C17orf99: variants seen among roughly 807,000 people sequenced by gnomAD.
C17orf99 encodes protein IL-40.
A neutral mutation model predicts 22.6 loss-of-function variants in C17orf99; 18 were observed. That is an observed-to-expected ratio of 0.80 (90% CI 0.55 to 1.18). C17orf99 has a LOEUF of 1.18. Ranked by LOEUF, C17orf99 falls within the 50% of genes most tolerant of loss-of-function variation. The pLI, the probability that C17orf99 is intolerant of heterozygous loss-of-function variation, is 0.00. For synonymous variants in C17orf99, 147 were observed against 136.6 expected (o/e 1.08, Z -0.53); for missense variants, 328 against 342.7 (o/e 0.96, Z 0.34).
chr17:78,150,294 A>G (rs968303678), intron 2 of C17orf99, among the ~76,000 whole-genome samples: 9 of 152,148 alleles, frequency 5.9e-5, no homozygotes, highest in Non-Finnish European at 1.0e-4. Context: ...GGCATGAGCC[A>G]CCCTGCCTGG....
At chr17:78,157,657 C>A (rs112568717) in intron 2 of C17orf99, among the ~76,000 whole-genome samples, 6 of 151,752 alleles carry the variant, frequency 4.0e-5, no homozygotes, top group Non-Finnish European at 5.9e-5. Context: ...ATTAGCCGGG[C>A]GTGGTGGCGG....
chr17:78,165,155 C>T (rs2075608539), intron 4 of C17orf99: 4 of 1,008,490 alleles, frequency 4.0e-6, no homozygotes, highest in African/African-American at 1.7e-5. Context: ...TTTGTAGTGT[C>T]TGAGTGCAGG....
chr17:78,157,942 G>A, intron 2 of C17orf99: 2 of 1,174,770 alleles, frequency 1.7e-6, no homozygotes, highest in Non-Finnish European at 2.5e-6. Flanking sequence ...TCTTTACTGG[G>A]AAGAAATATG....
chr17:78,158,708 G>T, intron 2 of C17orf99: 1 of 166,758 alleles, frequency 6.0e-6, no homozygotes. Flanking sequence ...GCGAAGCCGT[G>T]GCTTTGGGGA....
At chr17:78,164,466 C>G (rs2075602602) in intron 4 of C17orf99, 102 bp downstream of exon 4, 1 of 1,546,440 alleles carries the variant, frequency 6.5e-7, no homozygotes, top group African/African-American at 1.4e-5. Flanking sequence ...ACAGCTCTAC[C>G]CGGCCACTGC....
chr17:78,160,008 G>A (rs771039230), intron 2 of C17orf99: 3 of 449,638 alleles, frequency 6.7e-6, no homozygotes, highest in Non-Finnish European at 1.3e-5. Context: ...TGGCTGTGGT[G>A]AATCACGCTG....
intron 2 of C17orf99, among the ~76,000 whole-genome samples, chr17:78,152,960 T>G (rs2075496674): frequency 6.6e-6 from 1 of 151,424 alleles, no homozygotes; most frequent in Admixed American, 6.6e-5. Context: ...CATGCACCTG[T>G]AATACCAGCT....
intron 2 of C17orf99, chr17:78,158,333 C>A (rs1567820263): frequency 5.7e-6 from 2 of 353,818 alleles, no homozygotes; most frequent in Middle Eastern, 9.9e-4. Context: ...CTCGCCCTGT[C>A]GCCCAGGCTG....
chr17:78,164,256 C>T lies in C17orf99; in HGVS notation c.532C>T (p.Gln178Ter). The T allele has an allele frequency of 1.3e-6, 2 of 1,551,524 alleles. No individual in the cohort carries two copies. Among genetic ancestry groups the T allele is most frequent in the Admixed American group, 2.0e-5 (1 of 51,016 alleles). Residue 178 changes from glutamine to a stop codon, truncating the protein, a stop_gained, in exon 4 of 5, where the codon CAG becomes TAG. Coordinates refer to ENST00000340363, the MANE Select transcript of C17orf99 (RefSeq NM_001163075.2). LOFTEE classifies it high-confidence loss of function. The part of the protein sequence containing the change: ...VHLQQRPCHR[Q>*]PANFSFLPSQ... ...CCTGCAGCAGAGACCATGCCACAGGCAGCCTGCCAACTTCTCCTTCCTGCC... is the reference window on the plus strand; with the variant it reads ...CCTGCAGCAGAGACCATGCCACAGGTAGCCTGCCAACTTCTCCTTCCTGCC...
chr17:78,146,536 G>A lies in C17orf99; in HGVS notation c.37+92G>A, dbSNP rs1397840331. On this transcript the variant is annotated intron_variant, in intron 1 of 4. Transcript: ENST00000340363. The surrounding 1 kb of genome is among the most constrained non-coding windows in gnomAD (Gnocchi z 5.2). Reference sequence around the variant, plus strand: ...GGTACTGGGAGCACAGGAGAGATGAGGCCTGAAGGAAGGGCACCTCTGGAA... The same window carrying A: ...GGTACTGGGAGCACAGGAGAGATGAAGCCTGAAGGAAGGGCACCTCTGGAA... 9 of 1,187,572 alleles carry A rather than the reference G, an allele frequency of 7.6e-6. No homozygotes were observed. Among genetic ancestry groups the A allele is most frequent in the Non-Finnish European group, 1.1e-5 (9 of 826,414 alleles). 73.6% of individuals were successfully genotyped at this position (1,187,572 alleles called of 1,614,324 possible).
At position 78,164,344 on chromosome 17, in the gene C17orf99, C is replaced by A. The variant is rs1483250620; in HGVS notation, c.620C>A (p.Ala207Asp). ...AANNANVQHS[A>D]LTVVPPGGDQ... ...AACAACGCCAATGTCCAGCACAGCG[C>A]CCTCACAGTGGTGCCCCCAGGTGAG... The change falls in exon 4 of 5, where the codon GCC becomes GAC. Residue 207 changes from alanine to aspartate, a missense_variant. By Grantham distance (126) the Ala-to-Asp change is moderately radical (BLOSUM62 -2). Coordinates refer to ENST00000340363, the MANE Select transcript of C17orf99 (RefSeq NM_001163075.2). 2 of 1,551,402 alleles carry A rather than the reference C, an allele frequency of 1.3e-6. No homozygotes were observed. The highest frequency in any genetic ancestry group is 4.9e-5 in the East Asian group (2 of 40,944).
chr17:78,163,570 A>T (rs926423133), intron 3 of C17orf99, among the ~76,000 whole-genome samples: 8 of 152,318 alleles, frequency 5.3e-5, no homozygotes, highest in African/African-American at 1.9e-4. Flanking sequence ...AATACGCTAC[A>T]CAAGAATAAA....
At position 78,158,299 on chromosome 17, in the gene C17orf99, C is replaced by CA. The variant is rs200030188; in HGVS notation, c.71-2655dup. 8.1e-3 allele frequency: 3,110 copies of CA among 386,040 alleles called. 2 individuals are homozygous for CA. Among genetic ancestry groups the CA allele is most frequent in the South Asian group, 0.018 (749 of 42,154 alleles). The allele number at this position is 386,040 out of a possible 1,614,324, so 23.9% of individuals were successfully genotyped here. ...CCTAGGCTGCTGGACTCCTCCTACA[C>CA]ATTTTTTTTTTTTGAGATGGATTCT... On this transcript the variant is annotated intron_variant, in intron 2 of 4. Coordinates refer to ENST00000340363, the MANE Select transcript of C17orf99 (RefSeq NM_001163075.2).
chr17:78,160,666 C>T (rs1467951203), intron 2 of C17orf99: 1 of 356,178 alleles, frequency 2.8e-6, no homozygotes, highest in Non-Finnish European at 5.1e-6. Context: ...CACCTGCCAC[C>T]TCCGCCTTCC....
At chr17:78,160,778 TC>T (rs754833049) in intron 2 of C17orf99, 176 bp from the exon 3 acceptor site, 5 of 604,862 alleles carry the variant, frequency 8.3e-6, no homozygotes, top group Non-Finnish European at 1.5e-5. Context: ...AGACAGACTT[TC>T]ACCATGTTGG....
chr17:78,165,906 G>C lies in C17orf99; in HGVS notation c.658G>C (p.Glu220Gln). 7.3e-7 allele frequency: 1 copy of C among 1,366,696 alleles called. No individual in the cohort carries two copies. Among genetic ancestry groups the C allele is most frequent in the Non-Finnish European group, 9.6e-7 (1 of 1,042,998 alleles). 84.7% of individuals were successfully genotyped at this position (1,366,696 alleles called of 1,614,324 possible). Residue 220 changes from glutamate (E) to glutamine (Q), a missense_variant, in exon 5 of 5, where the codon GAG becomes CAG. Glu to Gln is a conservative substitution (Grantham distance 29). Transcript: ENST00000340363. ...VVPPGGDQKM[E>Q]DWQGPLESPI... ...TTGTCAAGGTGGTGACCAGAAGATGGAGGACTGGCAGGGTCCCCTGGAGAG... is the reference window on the plus strand; with the variant it reads ...TTGTCAAGGTGGTGACCAGAAGATGCAGGACTGGCAGGGTCCCCTGGAGAG...
At chr17:78,152,663 G>A (rs562931810) in intron 2 of C17orf99, among the ~76,000 whole-genome samples, 1 of 150,368 alleles carries the variant, frequency 6.7e-6, no homozygotes, top group African/African-American at 2.4e-5. Flanking sequence ...CTTAGAGACA[G>A]GATCTTGCTT....
chr17:78,153,594 A>G (rs1342086419), intron 2 of C17orf99, among the ~76,000 whole-genome samples: 3 of 152,248 alleles, frequency 2.0e-5, no homozygotes. Flanking sequence ...TGAAATGGAA[A>G]TGAAGAGAGA....
rs1491435461 is a variant in C17orf99 at position 78,166,156 on chromosome 17, A to AG, written c.*110_*111insG. The AG allele has an allele frequency of 8.7e-3, 394 of 45,306 alleles. 2 individuals carry two copies. Among genetic ancestry groups the AG allele is most frequent in the African/African-American group, 0.025 (315 of 12,356 alleles). 2.8% of individuals were successfully genotyped at this position (45,306 alleles called of 1,614,324 possible). A position where few individuals can be genotyped will look rare whatever the true frequency, so the allele number is the denominator to read the frequency against. ...AGTGTGTTTTAGCTGCTCTTGCCAC[A>AG]AAAAAAAAAAAAAAAAAAAAAGGGT... On this transcript the variant is annotated 3_prime_UTR_variant, in exon 5 of 5. Coordinates refer to ENST00000340363, the MANE Select transcript of C17orf99 (RefSeq NM_001163075.2).
Sources: allele counts gnomAD v4.1 joint callset (sites outside exome capture counted in the v4.1 genomes callset), GRCh38; gene constraint gnomAD v4.1.1; non-coding constraint Gnocchi (gnomAD v3.1); transcripts MANE v1.5; gene names NCBI Gene and HGNC (gene_info 2026-07-23, HGNC 2026-07-21).